RNF121: variants seen among roughly 807,000 people sequenced by gnomAD.
The protein encoded by RNF121 is E3 ubiquitin ligase RNF121.
In RNF121, 21 loss-of-function variants were observed where a neutral mutation model predicts 46.5. The observed-to-expected ratio is 0.45, with a 90% CI of 0.32 to 0.65. The LOEUF (loss-of-function observed/expected upper bound fraction) is 0.65. Ranked by LOEUF, RNF121 falls within the 30% of genes least tolerant of loss-of-function variation. The pLI is 0.04. For missense variants in RNF121, 346 were observed against 416.0 expected, an observed-to-expected ratio of 0.83 and a Z score of 1.46; for synonymous variants, 139 against 144.7, an observed-to-expected ratio of 0.96 and a Z score of 0.28.
rs1240197005 is a variant in RNF121, at chr11:71,996,218, A to G, written c.887A>G (p.Tyr296Cys). 6.2e-7 allele frequency: 1 copy of G among 1,614,146 alleles called. No homozygotes were observed. ...AGCTGGGAGAGGCCTCACGTCATGT[A>G]TGGGCAACTGCTGGACTGGCTTCGA... ...SNPWERPHVM[Y>C]GQLLDWLRYL... The change falls in exon 9 of 9, where the codon TAT (tyrosine) becomes TGT (cysteine). Residue 296 changes from tyrosine to cysteine, a missense_variant. Tyr to Cys is a radical substitution (Grantham distance 194). This residue lies in a region of RNF121 where 286 missense variants were observed against 383.8 expected (regional missense o/e 0.75). Coordinates refer to ENST00000361756, the MANE Select transcript of RNF121 (RefSeq NM_018320.5).
At chr11:71,940,719 T>C (rs2134152067) in intron 1 of RNF121, among the ~76,000 whole-genome samples, 1 of 152,360 alleles carries the variant, frequency 6.6e-6, no homozygotes, top group East Asian at 1.9e-4. Flanking sequence ...TTAATAGTCC[T>C]GTGAGGTAAA....
In RNF121 at chr11:71,960,764, G is replaced by A. The variant is rs761007970; in HGVS notation, c.116G>A (p.Arg39His). The A allele has an allele frequency of 1.9e-5, 30 of 1,613,752 alleles. No homozygotes were observed. The highest frequency in any genetic ancestry group is 6.6e-5 in the South Asian group (6 of 91,076). Residue 39 changes from arginine to histidine, a missense_variant, in exon 3 of 9, where the codon CGC becomes CAC. Around this residue, in one of 2 missense-constraint regions of RNF121, gnomAD observed 286 missense variants for 383.8 expected, o/e 0.75. Transcript: ENST00000361756. ...TTGGCTTTCAGGGTCGAGCACGCAC[G>A]CATGCATGCCAAGCACCGTGGCCAT... ...PEEQWRVEHA[R>H]MHAKHRGHEA...
chr11:71,953,991 T>G (rs767128617), intron 1 of RNF121, among the ~76,000 whole-genome samples: 1 of 152,210 alleles, frequency 6.6e-6, no homozygotes, highest in Non-Finnish European at 1.5e-5. Context: ...ACTGGGGGCC[T>G]TGTGAGATCC....
At chr11:71,938,312 T>TG (rs1953470605) in intron 1 of RNF121, among the ~76,000 whole-genome samples, 1 of 110,556 alleles carries the variant, frequency 9.0e-6, no homozygotes, top group African/African-American at 3.6e-5. Context: ...TGTAGTCTCT[T>TG]AATTTTTTTT....
At chr11:71,959,592 G>A (rs779393135) in intron 2 of RNF121, among the ~76,000 whole-genome samples, 8 of 148,934 alleles carry the variant, frequency 5.4e-5, no homozygotes, top group Non-Finnish European at 7.4e-5. Context: ...ACATTCTGAT[G>A]TATTTGATTT....
rs563667554 is a variant in RNF121, at chr11:71,930,955, C to T, written c.63+1831C>T. ...TCAAACAATTCTCCTGCCTCAGCCT[C>T]CTGAGTAGCTGGGATTACAGGCATG... On this transcript the variant is annotated intron_variant, in intron 1 of 8. Transcript: ENST00000361756. 2.0e-5 allele frequency among the ~76,000 whole-genome samples: 3 copies of T among 152,306 alleles called. No homozygotes were observed. The East Asian group carries it at 5.8e-4, about 29-fold the overall frequency.
chr11:71,972,142 C>T (rs1030834635), intron 3 of RNF121, among the ~76,000 whole-genome samples: 1 of 152,076 alleles, frequency 6.6e-6, no homozygotes, highest in African/African-American at 2.4e-5. Context: ...ATGTGTAACA[C>T]AATGCCAATT....
intron 1 of RNF121, among the ~76,000 whole-genome samples, chr11:71,945,043 A>C (rs1249544385): frequency 6.6e-6 from 1 of 151,856 alleles, no homozygotes; most frequent in Non-Finnish European, 1.5e-5. Flanking sequence ...GCTGGAGTGC[A>C]GTGGTGTGAT....
intron 1 of RNF121, among the ~76,000 whole-genome samples, chr11:71,930,636 A>G (rs1953256908): frequency 6.6e-6 from 1 of 152,124 alleles, no homozygotes; most frequent in Admixed American, 6.5e-5. Flanking sequence ...CATTTCTGTG[A>G]TTACAGTTGG....
intron 3 of RNF121, among the ~76,000 whole-genome samples, chr11:71,965,718 A>T (rs1027747442): frequency 2.0e-5 from 3 of 152,228 alleles, no homozygotes; most frequent in African/African-American, 7.2e-5. Context: ...TAGAAATGAA[A>T]TTGCCTGGTC....
Position 71,995,511 on chromosome 11 carries a change from T to C in RNF121, c.823T>C (p.Cys275Arg). 1 of 1,596,204 alleles carries C rather than the reference T, an allele frequency of 6.3e-7. No homozygotes were observed. Among genetic ancestry groups the C allele is most frequent in the Non-Finnish European group, 8.5e-7 (1 of 1,169,896 alleles). ...IVGKKQTCPY[C>R]KEKVDLKRMF... Reference sequence around the variant, plus strand: ...GGGAAAGAAGCAAACGTGTCCCTACTGCAAAGAGAAGGTAGACCTCAAGAG... The same window carrying C: ...GGGAAAGAAGCAAACGTGTCCCTACCGCAAAGAGAAGGTAGACCTCAAGAG... Residue 275 changes from cysteine (C) to arginine (R), a missense_variant, in exon 8 of 9, where the codon TGC becomes CGC. This residue lies in a region of RNF121 where 286 missense variants were observed against 383.8 expected (regional missense o/e 0.75). Coordinates refer to ENST00000361756, the MANE Select transcript of RNF121 (RefSeq NM_018320.5).
At chr11:71,987,184 A>C (rs1954788274) in intron 5 of RNF121, 73 bp downstream of exon 5, 1 of 991,506 alleles carries the variant, frequency 1.0e-6, no homozygotes, top group South Asian at 1.3e-5. Context: ...TCTTGTTGCA[A>C]GTCGTGGTTA....
chr11:71,986,566 G>C (rs1954774620), intron 4 of RNF121, among the ~76,000 whole-genome samples: 1 of 151,930 alleles, frequency 6.6e-6, no homozygotes, highest in Non-Finnish European at 1.5e-5. Context: ...AGGAATTCGA[G>C]ACCAGCCTGG....
intron 5 of RNF121, among the ~76,000 whole-genome samples, chr11:71,988,175 G>T (rs551606036): frequency 1.3e-5 from 2 of 152,164 alleles, no homozygotes; most frequent in African/African-American, 2.4e-5. Context: ...TTTGGCTGTT[G>T]CTTCAGTTGT....
intron 1 of RNF121, among the ~76,000 whole-genome samples, chr11:71,933,250 G>A (rs1413103855): frequency 6.6e-6 from 1 of 152,204 alleles, no homozygotes; most frequent in Non-Finnish European, 1.5e-5. Flanking sequence ...TGCCTGGCTA[G>A]TGCCTGTGAA....
At chr11:71,941,826 G>A (rs1953574525) in intron 1 of RNF121, among the ~76,000 whole-genome samples, 1 of 152,126 alleles carries the variant, frequency 6.6e-6, no homozygotes, top group Non-Finnish European at 1.5e-5. Context: ...AATTAGCAAA[G>A]GAAAAATGGT....
chr11:71,954,248 A>AT (rs200503159), intron 1 of RNF121, among the ~76,000 whole-genome samples: 6 of 151,362 alleles, frequency 4.0e-5, no homozygotes, highest in East Asian at 1.9e-4. Context: ...TCCTTCCCTT[A>AT]TTTTTTTTTA....
At chr11:71,988,653 AAAG>A (rs1169102527) in intron 5 of RNF121, among the ~76,000 whole-genome samples, 57 of 140,554 alleles carry the variant, frequency 4.1e-4, no homozygotes, top group Middle Eastern at 4.0e-3. Context: ...AAAAAAAAAA[AAAG>A]AAAGAAAGAA....
At chr11:71,996,145 C>T in intron 8 of RNF121, 50 bp from the exon 9 acceptor site, 1 of 1,608,580 alleles carries the variant, frequency 6.2e-7, no homozygotes, top group South Asian at 1.1e-5. Context: ...CATGCTAGAT[C>T]ACTCCTGGCA....
Sources: allele counts gnomAD v4.1 joint callset (sites outside exome capture counted in the v4.1 genomes callset), GRCh38; gene constraint gnomAD v4.1.1; regional missense constraint gnomAD v4.1.1; transcripts MANE v1.5; gene names NCBI Gene and HGNC (gene_info 2026-07-23, HGNC 2026-07-21).